PON2: variants seen among roughly 807,000 people sequenced by gnomAD.
PON2 encodes the protein paraoxonase 2.
In PON2, 27 loss-of-function variants were observed where a neutral mutation model predicts 36.6. The ratio of observed to expected loss-of-function variants is 0.74; its 90% confidence interval spans 0.54 to 1.02. PON2 has a LOEUF of 1.02. Ranked by LOEUF, PON2 falls within the 50% of genes least tolerant of loss-of-function variation. The pLI, the probability that PON2 is intolerant of heterozygous loss-of-function variation, is 0.00. For synonymous variants in PON2, 149 were observed against 156.3 expected, an observed-to-expected ratio of 0.95 and a Z score of 0.35; for missense variants, 363 against 421.1, an observed-to-expected ratio of 0.86 and a Z score of 1.21.
At chr7:95,412,192 C>G in intron 4 of PON2, 120 bp downstream of exon 4, 2 of 1,333,718 alleles carry the variant, frequency 1.5e-6, no homozygotes, top group Non-Finnish European at 2.1e-6. Flanking sequence ...ATGAAGAATA[C>G]AGAAATCACT....
intron 1 of PON2, among the ~76,000 whole-genome samples, chr7:95,431,354 A>C (rs1017478835): frequency 1.3e-5 from 2 of 152,164 alleles, no homozygotes; most frequent in Non-Finnish European, 2.9e-5. Context: ...AGCAAAAATC[A>C]AACATAAAGC....
At chr7:95,425,740 C>A (rs1303744669) in intron 1 of PON2, among the ~76,000 whole-genome samples, 1 of 152,060 alleles carries the variant, frequency 6.6e-6, no homozygotes, top group Non-Finnish European at 1.5e-5. Context: ...CACATTTTGG[C>A]AATTCATATC....
intron 5 of PON2, among the ~76,000 whole-genome samples, chr7:95,410,520 C>A (rs1482058003): frequency 6.6e-6 from 1 of 152,126 alleles, no homozygotes; most frequent in Non-Finnish European, 1.5e-5. Context: ...TTACTCAGTT[C>A]CTGGATTTTT....
At chr7:95,424,085 G>A in intron 2 of PON2, 1 of 203,350 alleles carries the variant, frequency 4.9e-6, no homozygotes, top group Non-Finnish European at 1.0e-5. Context: ...AACCATATTG[G>A]TCAGTTACGT....
At chr7:95,430,302 C>G (rs1231262090) in intron 1 of PON2, among the ~76,000 whole-genome samples, 1 of 150,460 alleles carries the variant, frequency 6.6e-6, no homozygotes, top group African/African-American at 2.4e-5. Context: ...CCCATCTCTA[C>G]AAAAAAATTT....
chr7:95,424,270 C>T (rs553605518), intron 2 of PON2: 168 of 527,922 alleles, frequency 3.2e-4, no homozygotes, highest in Non-Finnish European at 5.0e-4. Flanking sequence ...AGTCACAAAA[C>T]AAGCAAGAAA....
chr7:95,425,997 G>C (rs1217762095), intron 1 of PON2, among the ~76,000 whole-genome samples: 2 of 152,012 alleles, frequency 1.3e-5, no homozygotes, highest in Non-Finnish European at 2.9e-5. Flanking sequence ...GGAAAAATAA[G>C]CTAGAAAACC....
At position 95,405,455 on chromosome 7, in the gene PON2, G is replaced by T; in HGVS notation, c.940C>A (p.Pro314Thr). ...LRIQNILSEK[P>T]TVTTVYANNG... ...TTGGCATAAACTGTAGTCACTGTAG[G>T]CTTCTCAGATAGAATGTTCTGGATG... is the stretch of plus-strand genomic sequence containing the variant. Residue 314 changes from proline (P) to threonine (T), a missense_variant, in exon 9 of 9, where the codon CCT (proline) becomes ACT (threonine). Physicochemically the swap from Pro to Thr is conservative, Grantham distance 38 (BLOSUM62 -1). Coordinates refer to ENST00000222572, the MANE Select transcript of PON2 (RefSeq NM_000305.3). 1.2e-6 allele frequency: 2 copies of T among 1,613,494 alleles called. No homozygotes were observed. Among genetic ancestry groups the T allele is most frequent in the Non-Finnish European group, 8.5e-7 (1 of 1,179,540 alleles).
At position 95,410,116 on chromosome 7, in the gene PON2, T is replaced by C. The variant is rs540317658; in HGVS notation, c.495-15A>G. 24 of 1,607,044 alleles carry C rather than the reference T, an allele frequency of 1.5e-5. No individual in the cohort carries two copies. In the African/African-American group the frequency reaches 1.9e-4, roughly 13 times the overall value. ...TGTCATTCACACTGAAAAAGAAAAA[T>C]AGCATGTGAGAGGAAACAAAAGGCC... On this transcript the variant is annotated splice_polypyrimidine_tract_variant and intron_variant, in intron 5 of 8. Transcript: ENST00000222572.
In PON2 at chr7:95,422,263, A is replaced by G. The variant is rs1182572953; in HGVS notation, c.145+2252T>C. Among the ~76,000 whole-genome samples, 10 of 152,366 alleles carry G rather than the reference A, an allele frequency of 6.6e-5. No individual in the cohort carries two copies. The South Asian group carries it at 1.0e-3, about 16-fold the overall frequency. ...AAGAAGGTTGTGAAATATTTACACT[A>G]AAATTCTATTTGTGAAAAAAAGAGT... On this transcript the variant is annotated intron_variant, in intron 2 of 8. Transcript: ENST00000222572.
intron 1 of PON2, among the ~76,000 whole-genome samples, chr7:95,430,840 A>G (rs1426768540): frequency 6.6e-6 from 1 of 151,884 alleles, no homozygotes; most frequent in Non-Finnish European, 1.5e-5. Context: ...TACACTTTTG[A>G]CACACTGACT....
rs200878616 is a variant in PON2 at position 95,412,313 on chromosome 7, G to A, written c.366C>T (p.Asn122=). ...TGTTGGTAGCCCATTGGCTCTTACC[G>A]TTGTCTATGAAAGTGCTGATGCCAT... is the stretch of plus-strand genomic sequence containing the variant. ...NPHGISTFID[N]DDTVYLFVVN... The change falls in exon 4 of 9, where the codon AAC becomes AAT. Residue 122 remains asparagine (N), a splice_region_variant and synonymous_variant. Transcript: ENST00000222572. 5.6e-6 allele frequency: 9 copies of A among 1,614,026 alleles called. No homozygotes were observed. The highest frequency in any genetic ancestry group is 4.0e-5 in the African/African-American group (3 of 75,030).
intron 4 of PON2, among the ~76,000 whole-genome samples, chr7:95,412,044 C>A (rs1010791213): frequency 2.0e-5 from 3 of 152,062 alleles, no homozygotes; most frequent in Non-Finnish European, 4.4e-5. Flanking sequence ...AAATACAGTT[C>A]TTTTTTAAAT....
rs1289912770 is a variant in PON2 at position 95,434,863 on chromosome 7, G to A, written c.74+15C>T. On this transcript the variant is annotated intron_variant, in intron 1 of 8. Coordinates refer to ENST00000222572, the MANE Select transcript of PON2 (RefSeq NM_000305.3). The stretch of plus-strand genomic sequence containing the variant: ...TGGGGACCGCCGAGGAGGGGCGCGC[G>A]GGAGTCCCACCTACCTGAGTGCCAG... The A allele has an allele frequency of 3.3e-6, 5 of 1,538,298 alleles. No homozygotes were observed. Among genetic ancestry groups the A allele is most frequent in the Non-Finnish European group, 4.4e-6 (5 of 1,144,572 alleles).
At chr7:95,430,843 C>T (rs970169682) in intron 1 of PON2, among the ~76,000 whole-genome samples, 7 of 150,530 alleles carry the variant, frequency 4.7e-5, no homozygotes, top group Admixed American at 2.0e-4. Flanking sequence ...ACTTTTGACA[C>T]ACTGACTGAC....
intron 2 of PON2, among the ~76,000 whole-genome samples, chr7:95,421,937 A>T (rs566595808): frequency 6.6e-6 from 1 of 152,348 alleles, no homozygotes; most frequent in African/African-American, 2.4e-5. Flanking sequence ...TGTGGTTACA[A>T]CTATGAGGTA....
At chr7:95,431,126 T>C (rs1789432742) in intron 1 of PON2, among the ~76,000 whole-genome samples, 1 of 152,138 alleles carries the variant, frequency 6.6e-6, no homozygotes, top group South Asian at 2.1e-4. Flanking sequence ...TTGTATACTG[T>C]TATTTTCCCC....
Position 95,435,006 on chromosome 7 carries a change from C to G in PON2, c.-55G>C. On this transcript the variant is annotated 5_prime_UTR_variant, in exon 1 of 9. Transcript: ENST00000222572. ...CCGGCCTGGCCAGCAGCTCCGTGGG[C>G]GGTGCCATCTTCCCGGCTCGATGGT... 1.4e-6 allele frequency: 2 copies of G among 1,476,452 alleles called. No homozygotes were observed. The highest frequency in any genetic ancestry group is 1.8e-6 in the Non-Finnish European group (2 of 1,115,090). 91.5% of individuals were successfully genotyped at this position (1,476,452 alleles called of 1,614,324 possible). A position where few individuals can be genotyped will look rare whatever the true frequency, so the allele number is the denominator to read the frequency against.
chr7:95,425,746 A>C (rs764483031), intron 1 of PON2, among the ~76,000 whole-genome samples: 2 of 152,198 alleles, frequency 1.3e-5, no homozygotes, highest in African/African-American at 2.4e-5. Flanking sequence ...TTGGCAATTC[A>C]TATCAGACAT....
Sources: allele counts gnomAD v4.1 joint callset (sites outside exome capture counted in the v4.1 genomes callset), GRCh38; gene constraint gnomAD v4.1.1; transcripts MANE v1.5; gene names NCBI Gene and HGNC (gene_info 2026-07-23, HGNC 2026-07-21).